The following FSTL5 variants were observed in gnomAD, a reference collection of about 807,000 sequenced individuals.
The protein encoded by FSTL5 is follistatin like 5, also known as follistatin-related protein 5.
FSTL5 carries 62 observed loss-of-function variants against 89.1 expected under a neutral mutation model. The ratio of observed to expected loss-of-function variants is 0.70; its 90% CI spans 0.57 to 0.86. FSTL5 has a LOEUF of 0.86. Among genes scored for constraint, FSTL5 ranks in the 40% least tolerant of loss-of-function variants. The probability of loss-of-function intolerance (pLI) is 0.00; values close to 1 mark genes in which losing one functional copy is unlikely to be tolerated. For missense variants in FSTL5, 1,057 were observed against 1,001.6 expected (o/e 1.06, Z -0.75); for synonymous variants, 383 against 346.2 (o/e 1.11, Z -1.18).
intron 6 of FSTL5, among the ~76,000 whole-genome samples, chr4:161,728,822 G>T (rs1201112293): frequency 6.6e-6 from 1 of 152,112 alleles, no homozygotes; most frequent in African/African-American, 2.4e-5. Flanking sequence ...ATCTCCCAAT[G>T]AAAATTTTCA....
intron 7 of FSTL5, among the ~76,000 whole-genome samples, chr4:161,607,364 A>G (rs146001175): frequency 6.6e-6 from 1 of 152,286 alleles, no homozygotes; most frequent in African/African-American, 2.4e-5. Flanking sequence ...TTTTTAAGTC[A>G]GGAGAGAATT....
At chr4:161,478,155 T>C (rs1450492058) in intron 13 of FSTL5, among the ~76,000 whole-genome samples, 1 of 152,110 alleles carries the variant, frequency 6.6e-6, no homozygotes, top group Non-Finnish European at 1.5e-5. Context: ...TAGCAAGTAG[T>C]ATTATTCACC....
At chr4:161,540,686 T>C (rs1731788884) in intron 9 of FSTL5, among the ~76,000 whole-genome samples, 1 of 152,100 alleles carries the variant, frequency 6.6e-6, no homozygotes, top group Admixed American at 6.6e-5. Context: ...CACCAGGAGC[T>C]ACTATCTTCT....
intron 13 of FSTL5, among the ~76,000 whole-genome samples, chr4:161,478,151 G>A (rs892526813): frequency 1.2e-4 from 19 of 152,044 alleles, no homozygotes; most frequent in African/African-American, 4.1e-4. Context: ...ATTGTAGCAA[G>A]TAGTATTATT....
chr4:161,866,529 C>G (rs1255096427), intron 4 of FSTL5, among the ~76,000 whole-genome samples: 2 of 144,720 alleles, frequency 1.4e-5, no homozygotes, highest in African/African-American at 5.1e-5. Context: ...TCACTCAATT[C>G]TCCAAAACTC....
intron 7 of FSTL5, among the ~76,000 whole-genome samples, chr4:161,634,907 T>A (rs973370479): frequency 6.6e-6 from 1 of 152,214 alleles, no homozygotes; most frequent in African/African-American, 2.4e-5. Flanking sequence ...GGTAACTCTG[T>A]GAGGTAATGG....
At chr4:161,734,721 G>A (rs969105926) in intron 6 of FSTL5, among the ~76,000 whole-genome samples, 2 of 152,126 alleles carry the variant, frequency 1.3e-5, no homozygotes, top group African/African-American at 4.8e-5. Flanking sequence ...TTCCCCTGCT[G>A]TCACACCAAA....
intron 4 of FSTL5, among the ~76,000 whole-genome samples, chr4:161,849,665 A>G (rs1308246922): frequency 6.6e-6 from 1 of 152,074 alleles, no homozygotes; most frequent in Non-Finnish European, 1.5e-5. Context: ...TGAAGATTAG[A>G]TAACCTCTTT....
chr4:162,057,186 C>A (rs1249022927), intron 2 of FSTL5, among the ~76,000 whole-genome samples: 1 of 152,206 alleles, frequency 6.6e-6, no homozygotes, highest in Non-Finnish European at 1.5e-5. Context: ...TTTATCTAAT[C>A]TTTAAATTCC....
At chr4:161,773,745 C>T (rs550283970) in intron 5 of FSTL5, among the ~76,000 whole-genome samples, 6 of 152,194 alleles carry the variant, frequency 3.9e-5, no homozygotes, top group South Asian at 4.1e-4. Context: ...TGGTGGGAAA[C>T]GTAAACTAGT....
chr4:161,693,121 T>C (rs552193690), intron 6 of FSTL5, among the ~76,000 whole-genome samples: 1 of 152,336 alleles, frequency 6.6e-6, no homozygotes, highest in South Asian at 2.1e-4. Flanking sequence ...ATGGCAGCTC[T>C]AACAAACCTT....
intron 3 of FSTL5, among the ~76,000 whole-genome samples, chr4:162,009,364 G>A (rs920267778): frequency 2.6e-5 from 4 of 152,040 alleles, no homozygotes; most frequent in African/African-American, 9.7e-5. Context: ...TCTGGGGCAG[G>A]GGCAAAGGAG....
intron 11 of FSTL5, among the ~76,000 whole-genome samples, chr4:161,504,523 G>A (rs919404266): frequency 2.0e-5 from 3 of 151,448 alleles, no homozygotes; most frequent in Non-Finnish European, 4.4e-5. Context: ...AGGCAAAAGC[G>A]CTTAGTCTTT....
chr4:161,523,877 A>C (rs1397482474), intron 10 of FSTL5, among the ~76,000 whole-genome samples: 1 of 152,192 alleles, frequency 6.6e-6, no homozygotes, highest in Non-Finnish European at 1.5e-5. Context: ...ATAAAAACTA[A>C]ATAATTAATA....
At chr4:161,880,002 T>C (rs1046158808) in intron 4 of FSTL5, among the ~76,000 whole-genome samples, 1 of 152,220 alleles carries the variant, frequency 6.6e-6, no homozygotes, top group Non-Finnish European at 1.5e-5. Flanking sequence ...GAGTTGTTAA[T>C]CATGTCAGTA....
chr4:161,615,444 CAAAAAAA>C (rs570217571), intron 7 of FSTL5, among the ~76,000 whole-genome samples: 2 of 87,442 alleles, frequency 2.3e-5, no homozygotes, highest in Non-Finnish European at 4.9e-5. Flanking sequence ...GACTCCATCT[CAAAAAAA>C]AAAAAAAAAA....
chr4:161,473,237 C>T (rs1431183596), intron 13 of FSTL5, among the ~76,000 whole-genome samples: 1 of 152,110 alleles, frequency 6.6e-6, no homozygotes, highest in African/African-American at 2.4e-5. Context: ...CAATTATTGA[C>T]AGTGAGGAAT....
chr4:161,497,117 A>T lies in FSTL5; in HGVS notation c.1458+2899T>A, dbSNP rs549432475. Among the ~76,000 whole-genome samples the T allele has an allele frequency of 5.3e-5, 8 of 152,236 alleles. No homozygotes were observed. The East Asian group carries it at 1.5e-3, about 29-fold the overall frequency. ...TCATGTAAAAATTATTTAGTTCAAC[A>T]CTTATTCTCAAAGCATAACATGATC... On this transcript the variant is annotated intron_variant, in intron 12 of 15. Coordinates refer to ENST00000306100, the MANE Select transcript of FSTL5 (RefSeq NM_020116.5).
intron 3 of FSTL5, among the ~76,000 whole-genome samples, chr4:161,944,613 C>T (rs150357357): frequency 2.6e-5 from 4 of 151,586 alleles, no homozygotes; most frequent in African/African-American, 4.8e-5. Flanking sequence ...TAGAAAATTA[C>T]GTTATAAAAA....
Sources: allele counts gnomAD v4.1 joint callset (sites outside exome capture counted in the v4.1 genomes callset), GRCh38; gene constraint gnomAD v4.1.1; transcripts MANE v1.5; gene names NCBI Gene and HGNC (gene_info 2026-07-23, HGNC 2026-07-21).